Variants in ADGRL2 observed in about 807,000 individuals in gnomAD.
ADGRL2 encodes calcium-independent alpha-latrotoxin receptor 2.
ADGRL2 carries 44 observed loss-of-function variants against 157.4 expected under a neutral mutation model. The observed-to-expected ratio is 0.28, with a 90% CI of 0.22 to 0.36. The LOEUF (loss-of-function observed/expected upper bound fraction) is 0.36, where lower values mean the gene tolerates loss of function less well. Among genes scored for constraint, ADGRL2 ranks in the 10% least tolerant of loss-of-function variants. The pLI is 1.00. For missense variants in ADGRL2, 1,510 were observed against 1,768.9 expected (o/e 0.85, Z 2.63); for synonymous variants, 585 against 624.7 (o/e 0.94, Z 0.95).
intron 3 of ADGRL2, among the ~76,000 whole-genome samples, chr1:81,631,972 A>T (rs2148758948): frequency 6.6e-6 from 1 of 152,184 alleles, no homozygotes; most frequent in East Asian, 1.9e-4. Context: ...CTATCATGGC[A>T]TTTTTCTCCT....
In ADGRL2 at chr1:81,712,017, G is replaced by A. The variant is rs138261246; in HGVS notation, c.-143+12209G>A. Among the ~76,000 whole-genome samples the A allele has an allele frequency of 1.6e-4, 25 of 152,282 alleles. No individual in the cohort carries two copies. In the East Asian group the frequency reaches 2.3e-3, roughly 14 times the overall value. On this transcript the variant is annotated intron_variant, in intron 1 of 20. Transcript: ENST00000359929. ...GATCCTGAAGGACACCCAAGTGTCC[G>A]CCAAGTAGAGAAGGAAGTCTTTGGC...
intron 3 of ADGRL2, among the ~76,000 whole-genome samples, chr1:81,684,632 G>A (rs1016079767): frequency 5.3e-5 from 8 of 152,228 alleles, no homozygotes; most frequent in East Asian, 3.9e-4. Flanking sequence ...AAGCTCTTTC[G>A]TTGAATTAGG....
At chr1:81,901,793 G>A (rs1393394079) in intron 2 of ADGRL2, among the ~76,000 whole-genome samples, 1 of 152,126 alleles carries the variant, frequency 6.6e-6, no homozygotes, top group South Asian at 2.1e-4. Context: ...ATTGTTGGTG[G>A]AAGAGGTTGA....
At chr1:81,535,804 A>G (rs968233162) in intron 2 of ADGRL2, among the ~76,000 whole-genome samples, 8 of 152,220 alleles carry the variant, frequency 5.3e-5, no homozygotes, top group African/African-American at 1.9e-4. Flanking sequence ...AGAACATTGA[A>G]TTAGATATGG....
At chr1:81,975,988 T>G (rs1660098408) in intron 17 of ADGRL2, among the ~76,000 whole-genome samples, 1 of 152,004 alleles carries the variant, frequency 6.6e-6, no homozygotes, top group Non-Finnish European at 1.5e-5. Context: ...AAACTAAAAT[T>G]TAGCATTACA....
At chr1:81,593,816 T>C (rs2081179221) in intron 3 of ADGRL2, among the ~76,000 whole-genome samples, 1 of 152,208 alleles carries the variant, frequency 6.6e-6, no homozygotes, top group African/African-American at 2.4e-5. Context: ...AGAGTATCTC[T>C]ATCCACATCT....
chr1:81,986,948 G>C lies in ADGRL2; in HGVS notation c.3556G>C (p.Gly1186Arg). 6.2e-7 allele frequency: 1 copy of C among 1,610,536 alleles called. No homozygotes were observed. Among genetic ancestry groups the C allele is most frequent in the Non-Finnish European group, 8.5e-7 (1 of 1,179,006 alleles). The change falls in exon 22 of 24, where the codon GGC (glycine) becomes CGC (arginine). Residue 1186 changes from glycine (G) to arginine (R), a missense_variant. By Grantham distance (125) the Gly-to-Arg change is moderately radical (BLOSUM62 -2). Transcript: ENST00000686636. ...AACAAACCCTCTTCTTCGACCCCAC[G>C]GCACTAACAACCCCTATAACACATT... ...LLTNPLLRPH[G>R]TNNPYNTLLA... is the part of the protein sequence containing the mutation.
chr1:81,940,949 T>C lies in ADGRL2; in HGVS notation c.398-1085T>C, dbSNP rs908144135. ...ACTGTAGGAGTTGTTTTTTTTTTTT[T>C]CCTCATGTAACTCTACTAATCAGGT... On this transcript the variant is annotated intron_variant, in intron 4 of 23. Coordinates refer to ENST00000686636, the MANE Select transcript of ADGRL2 (RefSeq NM_001366006.2). 1.7e-3 allele frequency among the ~76,000 whole-genome samples: 246 copies of C among 143,166 alleles called. 1 individual carries two copies. Among genetic ancestry groups the C allele is most frequent in the Non-Finnish European group, 1.5e-3 (98 of 65,496 alleles). 93.9% of individuals were successfully genotyped at this position (143,166 alleles called of 152,430 possible). A position where few individuals can be genotyped will look rare whatever the true frequency, so the allele number is the denominator to read the frequency against.
intron 2 of ADGRL2, among the ~76,000 whole-genome samples, chr1:81,563,584 G>A (rs1373846782): frequency 6.6e-6 from 1 of 152,126 alleles, no homozygotes; most frequent in East Asian, 1.9e-4. Flanking sequence ...TTACAAGGTA[G>A]ACAGAAATAT....
At chr1:81,681,889 C>G (rs192906767) in intron 3 of ADGRL2, among the ~76,000 whole-genome samples, 1 of 152,142 alleles carries the variant, frequency 6.6e-6, no homozygotes, top group Non-Finnish European at 1.5e-5. Flanking sequence ...ATTTGACCTA[C>G]AGTTACTTGA....
intron 2 of ADGRL2, among the ~76,000 whole-genome samples, chr1:81,844,783 G>A (rs370136981): frequency 1.3e-5 from 2 of 152,118 alleles, no homozygotes; most frequent in Admixed American, 1.3e-4. Flanking sequence ...AAGGGAATAC[G>A]TATCAGCACT....
At chr1:81,949,654 G>A (rs1429515560) in intron 6 of ADGRL2, among the ~76,000 whole-genome samples, 1 of 152,296 alleles carries the variant, frequency 6.6e-6, no homozygotes, top group East Asian at 1.9e-4. Context: ...AATCAGGCAT[G>A]CTGATCATGC....
upstream of ADGRL2, among the ~76,000 whole-genome samples, chr1:81,796,264 C>T (rs534108002): frequency 4.5e-4 from 68 of 152,182 alleles, no homozygotes; most frequent in Non-Finnish European, 9.0e-4. Context: ...GCTGGGATTA[C>T]AGGCGTGAGC....
At chr1:81,967,322 C>T (rs1004371448) in intron 13 of ADGRL2, among the ~76,000 whole-genome samples, 8 of 149,690 alleles carry the variant, frequency 5.3e-5, no homozygotes, top group Non-Finnish European at 1.0e-4. Flanking sequence ...AGTGCGGTGG[C>T]GCGATCTCGG....
At chr1:81,897,894 AT>A (rs1296597578) in intron 2 of ADGRL2, among the ~76,000 whole-genome samples, 1 of 152,146 alleles carries the variant, frequency 6.6e-6, no homozygotes, top group Non-Finnish European at 1.5e-5. Context: ...CTTAGAAAAA[AT>A]TTTTTTGAAG....
intron 1 of ADGRL2, among the ~76,000 whole-genome samples, chr1:81,306,746 C>T (rs1659362772): frequency 6.6e-6 from 1 of 152,146 alleles, no homozygotes; most frequent in African/African-American, 2.4e-5. Flanking sequence ...ATTAGAGTAT[C>T]CACTCTCTAA....
intron 2 of ADGRL2, among the ~76,000 whole-genome samples, chr1:81,875,197 G>A (rs1288567391): frequency 2.6e-5 from 4 of 152,078 alleles, no homozygotes; most frequent in African/African-American, 4.8e-5. Flanking sequence ...ATAAGTAGCT[G>A]TTTGCTACTG....
chr1:81,511,399 CG>C (rs2079074365), intron 2 of ADGRL2, among the ~76,000 whole-genome samples: 1 of 132,712 alleles, frequency 7.5e-6, no homozygotes, highest in African/African-American at 3.2e-5. Flanking sequence ...AAAAAAAGCG[CG>C]CACACACACA....
intron 1 of ADGRL2, among the ~76,000 whole-genome samples, chr1:81,733,298 A>G (rs55995029): frequency 0.02 from 3,057 of 152,346 alleles, 42 homozygotes; most frequent in South Asian, 0.052. Flanking sequence ...TGCTAGGGCT[A>G]CCATAACAAA....
Sources: gnomAD v4.1 joint callset for allele counts (sites outside exome capture counted in the v4.1 genomes callset) on GRCh38, gnomAD v4.1.1 for gene constraint, MANE v1.5 for transcripts, NCBI Gene and HGNC (gene_info 2026-07-23, HGNC 2026-07-21) for gene names.